Variants in SPG11 observed in about 807,000 individuals in gnomAD.
SPG11 encodes the protein spatacsin.
Under a neutral mutation model 274.0 loss-of-function variants are expected in SPG11, and 222 were observed. That is an observed-to-expected ratio of 0.81 (90% CI 0.73 to 0.91). The LOEUF (loss-of-function observed/expected upper bound fraction) is 0.91. SPG11 is among the 40% of genes least tolerant of loss of function. The probability of loss-of-function intolerance (pLI) is 0.00; values close to 1 mark genes in which losing one functional copy is unlikely to be tolerated. For missense variants in SPG11, 3,114 were observed against 2,872.7 expected (o/e 1.08, Z -1.92); for synonymous variants, 1,144 against 1,039.7 (o/e 1.10, Z -1.93).
At chr15:44,633,809 T>C (rs2084156090) in intron 7 of SPG11, among the ~76,000 whole-genome samples, 172 bp from the exon 8 acceptor site, 1 of 151,850 alleles carries the variant, frequency 6.6e-6, no homozygotes, top group Non-Finnish European at 1.5e-5. Flanking sequence ...GATTATGCAA[T>C]CTGGGGCAAG....
intron 26 of SPG11, among the ~76,000 whole-genome samples, chr15:44,593,223 C>A (rs1288790192): frequency 6.6e-6 from 1 of 151,958 alleles, no homozygotes; most frequent in Non-Finnish European, 1.5e-5. Flanking sequence ...TGAGACATAG[C>A]CTCATTCTGT....
intron 11 of SPG11, among the ~76,000 whole-genome samples, chr15:44,626,023 T>C (rs928219718): frequency 6.6e-6 from 1 of 152,012 alleles, no homozygotes; most frequent in African/African-American, 2.4e-5. Flanking sequence ...TAATACAAGG[T>C]ACAAGGTGTA....
At chr15:44,652,899 T>C (rs1437904938) in intron 4 of SPG11, among the ~76,000 whole-genome samples, 1 of 152,142 alleles carries the variant, frequency 6.6e-6, no homozygotes, top group Non-Finnish European at 1.5e-5. Context: ...TCCAGTGATG[T>C]GCCTGCCTCG....
At position 44,570,572 on chromosome 15, in the gene SPG11, T is replaced by C. The variant is rs751841565; in HGVS notation, c.6430A>G (p.Met2144Val). 2 of 1,613,988 alleles carry C rather than the reference T, an allele frequency of 1.2e-6. No individual in the cohort carries two copies. The highest frequency in any genetic ancestry group is 1.1e-5 in the South Asian group (1 of 91,080). The change falls in exon 34 of 40, where the codon ATG becomes GTG. Residue 2144 changes from methionine (M) to valine (V), a missense_variant. Coordinates refer to ENST00000261866, the MANE Select transcript of SPG11 (RefSeq NM_025137.4). ...GGGGCCAGGTGGTTATCTGTGAGCA[T>C]GTGGGCGGCCTGTAGGACTCGGATG... is the stretch of plus-strand genomic sequence containing the variant. Reference protein sequence around the residue: ...GIIRVLQAAHMLTDNHLAPSE... With the variant: ...GIIRVLQAAHVLTDNHLAPSE...
intron 15 of SPG11, 120 bp downstream of exon 15, chr15:44,620,070 G>T (rs1595888622): frequency 2.4e-6 from 2 of 836,418 alleles, no homozygotes; most frequent in Non-Finnish European, 3.9e-6. Context: ...AAATTTTATA[G>T]TAATATGAAA....
chr15:44,574,387 T>C (rs1032879434), intron 31 of SPG11, among the ~76,000 whole-genome samples: 1 of 152,136 alleles, frequency 6.6e-6, no homozygotes, highest in African/African-American at 2.4e-5. Flanking sequence ...AGCAAAACCC[T>C]CAATTTCCAA....
chr15:44,634,280 G>A (rs1477912652), intron 7 of SPG11, among the ~76,000 whole-genome samples: 1 of 152,046 alleles, frequency 6.6e-6, no homozygotes, highest in Non-Finnish European at 1.5e-5. Context: ...GAATTAAAAT[G>A]TTATGGCAGT....
At chr15:44,573,771 G>C (rs762689368) in intron 31 of SPG11, 26 bp from the exon 32 acceptor site, 4 of 1,613,066 alleles carry the variant, frequency 2.5e-6, no homozygotes, top group Non-Finnish European at 3.4e-6. Context: ...AGCCAGTCAA[G>C]GCCACTTTTA....
chr15:44,663,608 C>T lies in SPG11; in HGVS notation c.40G>A (p.Gly14Ser), dbSNP rs1188807485. 19 of 1,596,252 alleles carry T rather than the reference C, an allele frequency of 1.2e-5. No homozygotes were observed. The highest frequency in any genetic ancestry group is 1.5e-5 in the Non-Finnish European group (18 of 1,175,486). The change falls in exon 1 of 40, where the codon GGC becomes AGC. Residue 14 changes from glycine (G) to serine (S), a missense_variant. Physicochemically the swap from Gly to Ser is moderately conservative, Grantham distance 56. Transcript: ENST00000261866. ...ATGGCCGCGGTGCCCCAGCTACCGC[C>T]GGCGGAAGCAGCACTCGCGACCCCT... ...EEGVASAASA[G>S]GSWGTAAMGR...
At chr15:44,609,598 T>TTA in intron 18 of SPG11, among the ~76,000 whole-genome samples, 1 of 152,144 alleles carries the variant, frequency 6.6e-6, no homozygotes, top group Non-Finnish European at 1.5e-5. Flanking sequence ...AAGCCACAGA[T>TTA]CTAAAGTATT....
chr15:44,629,276 A>G lies in SPG11; in HGVS notation c.1848T>C (p.Ser616=). The G allele has an allele frequency of 6.2e-7, 1 of 1,614,142 alleles. No homozygotes were observed. The highest frequency in any genetic ancestry group is 8.5e-7 in the Non-Finnish European group (1 of 1,179,988). ...FSEQLLNLTL[S]FLNNQIKELF... Reference sequence around the variant, plus strand: ...GCTCCTTTATTTGGTTGTTAAGGAAAGACAGTGTAAGATTAAGCAATTGTT... The same window carrying G: ...GCTCCTTTATTTGGTTGTTAAGGAAGGACAGTGTAAGATTAAGCAATTGTT... Residue 616 remains serine, a synonymous_variant, in exon 9 of 40, where the codon TCT becomes TCC. Transcript: ENST00000261866.
At chr15:44,649,695 C>G (rs2084708267) in intron 6 of SPG11, among the ~76,000 whole-genome samples, 1 of 152,004 alleles carries the variant, frequency 6.6e-6, no homozygotes, top group Non-Finnish European at 1.5e-5. Flanking sequence ...AGTTTGGGAC[C>G]AGCCTGGCCA....
chr15:44,630,841 G>A (rs1490567665), intron 8 of SPG11, among the ~76,000 whole-genome samples: 2 of 152,120 alleles, frequency 1.3e-5, no homozygotes, highest in Non-Finnish European at 2.9e-5. Flanking sequence ...GCCTCCCAAA[G>A]TGCTGGGATC....
intron 28 of SPG11, among the ~76,000 whole-genome samples, chr15:44,586,593 G>A (rs542460300): frequency 2.6e-5 from 4 of 152,074 alleles, no homozygotes; most frequent in Non-Finnish European, 4.4e-5. Context: ...GAAGTGAGCC[G>A]AGATGGTGCC....
intron 8 of SPG11, among the ~76,000 whole-genome samples, chr15:44,630,440 G>C (rs536923411): frequency 5.9e-5 from 9 of 152,292 alleles, no homozygotes; most frequent in African/African-American, 2.2e-4. Flanking sequence ...TACAACTGCT[G>C]ATGGAGCCCT....
intron 15 of SPG11, among the ~76,000 whole-genome samples, chr15:44,618,797 G>A (rs1443998811): frequency 6.6e-6 from 1 of 151,508 alleles, no homozygotes; most frequent in Non-Finnish European, 1.5e-5. Context: ...TCCAGCCTGG[G>A]TGACAGCGAG....
intron 4 of SPG11, among the ~76,000 whole-genome samples, chr15:44,655,621 G>A (rs2084917986): frequency 6.6e-6 from 1 of 151,232 alleles, no homozygotes; most frequent in Non-Finnish European, 1.5e-5. Flanking sequence ...TAAGAATATA[G>A]TGTAATACAT....
intron 19 of SPG11, among the ~76,000 whole-genome samples, chr15:44,606,652 T>C (rs2083326373): frequency 6.6e-6 from 1 of 152,126 alleles, no homozygotes; most frequent in Non-Finnish European, 1.5e-5. Context: ...GCCAAATGTT[T>C]AGCAAAGTCT....
intron 7 of SPG11, among the ~76,000 whole-genome samples, chr15:44,648,357 A>T (rs1465807435): frequency 6.6e-6 from 1 of 151,996 alleles, no homozygotes; most frequent in Admixed American, 6.6e-5. Flanking sequence ...ACCAAAAAAT[A>T]CAAAAATTAG....
Sources: allele counts gnomAD v4.1 joint callset (sites outside exome capture counted in the v4.1 genomes callset), GRCh38; gene constraint gnomAD v4.1.1; transcripts MANE v1.5; gene names NCBI Gene and HGNC (gene_info 2026-07-23, HGNC 2026-07-21).